Variants in SLFN12L observed in about 807,000 individuals in gnomAD.
SLFN12L encodes the protein schlafen family member 12-like.
In SLFN12L, 34 loss-of-function variants were observed where a neutral mutation model predicts 34.8. The ratio of observed to expected loss-of-function variants is 0.98; its 90% CI spans 0.74 to 1.30. The LOEUF is 1.30. Among genes scored for constraint, SLFN12L ranks in the 50% most tolerant of loss-of-function variants. SLFN12L has a pLI of 0.00. For missense variants in SLFN12L, 703 were observed against 696.2 expected, an observed-to-expected ratio of 1.01 and a Z score of -0.11; for synonymous variants, 259 against 247.5, an observed-to-expected ratio of 1.05 and a Z score of -0.44.
At chr17:35,493,898 T>A (rs1914937455) in intron 2 of SLFN12L, among the ~76,000 whole-genome samples, 1 of 152,242 alleles carries the variant, frequency 6.6e-6, no homozygotes, top group African/African-American at 2.4e-5. Context: ...TTGTTTTTGT[T>A]CTTAGTTGTG....
rs80045442 is a variant in SLFN12L at position 35,508,751 on chromosome 17, G to A, written c.86+13528C>T. Among the ~76,000 whole-genome samples the A allele has an allele frequency of 0.011, 1,659 of 151,802 alleles. 95 individuals are homozygous for A. In the East Asian group the frequency reaches 0.18, roughly 16 times the overall value. The stretch of plus-strand genomic sequence containing the variant: ...TGGAGACAGTTCTCTTTTCCTTGGA[G>A]ACAGTTTTTCTGATAAAACTGAGGA... On this transcript the variant is annotated intron_variant, in intron 2 of 4. Coordinates refer to ENST00000628453, the MANE Select transcript of SLFN12L (RefSeq NM_001363830.2).
intron 1 of SLFN12L, among the ~76,000 whole-genome samples, chr17:35,534,597 T>C (rs2142181765): frequency 6.6e-6 from 1 of 152,132 alleles, no homozygotes; most frequent in East Asian, 1.9e-4. Flanking sequence ...CCGGCAGAGT[T>C]GAGAGAGATT....
At chr17:35,508,091 A>G (rs1285036713) in intron 2 of SLFN12L, among the ~76,000 whole-genome samples, 1 of 152,230 alleles carries the variant, frequency 6.6e-6, no homozygotes, top group African/African-American at 2.4e-5. Flanking sequence ...CAGACATTGT[A>G]TGGAAAAGCA....
At chr17:35,505,395 C>T (rs1172101820) in intron 2 of SLFN12L, among the ~76,000 whole-genome samples, 2 of 152,130 alleles carry the variant, frequency 1.3e-5, no homozygotes, top group African/African-American at 4.8e-5. Flanking sequence ...TGCTTAAGAG[C>T]CTTGGCAGCA....
intron 1 of SLFN12L, among the ~76,000 whole-genome samples, chr17:35,537,134 C>A (rs1197019645): frequency 1.3e-5 from 2 of 151,404 alleles, no homozygotes; most frequent in African/African-American, 4.9e-5. Flanking sequence ...GAGTTGTGAT[C>A]GCACCACTGC....
chr17:35,514,326 A>G (rs1915746051), intron 2 of SLFN12L, among the ~76,000 whole-genome samples: 2 of 152,238 alleles, frequency 1.3e-5, no homozygotes, highest in Non-Finnish European at 2.9e-5. Flanking sequence ...TCACCTCAAA[A>G]TTTTAATCCT....
chr17:35,534,736 G>C (rs979017297), intron 1 of SLFN12L, among the ~76,000 whole-genome samples: 2 of 152,214 alleles, frequency 1.3e-5, no homozygotes, highest in African/African-American at 2.4e-5. Flanking sequence ...CTGTTTATGA[G>C]ATACTGCTTC....
At chr17:35,533,754 C>T in intron 1 of SLFN12L, among the ~76,000 whole-genome samples, 1 of 152,096 alleles carries the variant, frequency 6.6e-6, no homozygotes, top group East Asian at 1.9e-4. Context: ...GTCTGGTAAG[C>T]CACTTTAAGG....
rs1915806212 is a variant in SLFN12L at position 35,515,731 on chromosome 17, T to C, written c.86+6548A>G. ...CGATCTTGGCTCACTGCAACCTCCA[T>C]CTCCCAGGTTCAAGCGATTCTCCTG... On this transcript the variant is annotated intron_variant, in intron 2 of 4. Coordinates refer to ENST00000628453, the MANE Select transcript of SLFN12L (RefSeq NM_001363830.2). Among the ~76,000 whole-genome samples, 4 of 140,846 alleles carry C rather than the reference T, an allele frequency of 2.8e-5. No homozygotes were observed. In the South Asian group the frequency reaches 7.3e-4, roughly 26 times the overall value. The allele number at this position is 140,846 out of a possible 152,430, so 92.4% of individuals were successfully genotyped here.
chr17:35,471,206 G>A lies in SLFN12L; in HGVS notation c.*3717C>T, dbSNP rs1913801629. 6.6e-6 allele frequency among the ~76,000 whole-genome samples: 1 copy of A among 150,564 alleles called. No homozygotes were observed. ...GGCTGGAGTGCAATGGGGTGATCTT[G>A]GCTCACTGCAACCTCTGCCTCCCGG... On this transcript the variant is annotated 3_prime_UTR_variant, in exon 5 of 5. Transcript: ENST00000628453.
At chr17:35,502,782 T>C (rs939080292) in intron 2 of SLFN12L, among the ~76,000 whole-genome samples, 3 of 152,140 alleles carry the variant, frequency 2.0e-5, no homozygotes, top group Non-Finnish European at 4.4e-5. Context: ...GACAGTCTAG[T>C]CCACAGACAT....
At chr17:35,503,602 C>T (rs564598838) in intron 2 of SLFN12L, among the ~76,000 whole-genome samples, 2 of 152,268 alleles carry the variant, frequency 1.3e-5, no homozygotes, top group African/African-American at 4.8e-5. Flanking sequence ...AAGGAAATTT[C>T]GTAGTAGAAA....
At chr17:35,488,952 C>T (rs1027905217) in intron 2 of SLFN12L, among the ~76,000 whole-genome samples, 15 of 151,914 alleles carry the variant, frequency 9.9e-5, no homozygotes, top group African/African-American at 3.6e-4. Flanking sequence ...CGCCTGTAAT[C>T]CCAGCTACTC....
At chr17:35,495,814 G>A (rs975346507) in intron 2 of SLFN12L, among the ~76,000 whole-genome samples, 2 of 151,934 alleles carry the variant, frequency 1.3e-5, no homozygotes, top group African/African-American at 4.8e-5. Context: ...CAACTGGTCA[G>A]GGTGAGGACC....
In SLFN12L at chr17:35,474,814, C is replaced by T. The variant is rs1913896046; in HGVS notation, c.*109G>A. 4 of 1,128,542 alleles carry T rather than the reference C, an allele frequency of 3.5e-6. No individual in the cohort carries two copies. The African/African-American group carries it at 4.7e-5, about 13-fold the overall frequency. The allele number at this position is 1,128,542 out of a possible 1,614,324, so 69.9% of individuals were successfully genotyped here. On this transcript the variant is annotated 3_prime_UTR_variant, in exon 5 of 5. Coordinates refer to ENST00000628453, the MANE Select transcript of SLFN12L (RefSeq NM_001363830.2). Reference sequence around the variant, plus strand: ...AGGTGTGGTGGCAGGCACATGTAATCCCAGCTACTCGGGAGGCTGAGGCAG... The same window carrying T: ...AGGTGTGGTGGCAGGCACATGTAATTCCAGCTACTCGGGAGGCTGAGGCAG...
Position 35,515,217 on chromosome 17 carries a change from C to T in SLFN12L, c.86+7062G>A, listed in dbSNP as rs576617548. 56 of 554,206 alleles carry T rather than the reference C, an allele frequency of 1.0e-4. No individual in the cohort carries two copies. The East Asian group carries it at 1.9e-3, about 19-fold the overall frequency. The allele number at this position is 554,206 out of a possible 1,614,324, so 34.3% of individuals were successfully genotyped here. A position where few individuals can be genotyped will look rare whatever the true frequency, so the allele number is the denominator to read the frequency against. On this transcript the variant is annotated intron_variant, in intron 2 of 4. Coordinates refer to ENST00000628453, the MANE Select transcript of SLFN12L (RefSeq NM_001363830.2). ...TCCCCAGAACGCTGAGTGTGGACTG[C>T]GGCGGTGGGGGAAAGGAGCGGTTGC...
At position 35,530,430 on chromosome 17, in the gene SLFN12L, GGAAGGGAAGGGAAGAAAGAAA is replaced by G. The variant is rs1464862734; in HGVS notation, c.-606+7122_-606+7142del. On this transcript the variant is annotated intron_variant, in intron 1 of 4. Transcript: ENST00000628453. Reference sequence around the variant, plus strand: ...GGAAGGAAGGAAGGAAGGAAGGAAGGGAAGGGAAGGGAAGAAAGAAAGAAAGAAAGAAAGAAAGAAAGAAAG... The same window carrying G: ...GGAAGGAAGGAAGGAAGGAAGGAAGGGAAAGAAAGAAAGAAAGAAAGAAAG... Among the ~76,000 whole-genome samples, 14 of 9,134 alleles carry G rather than the reference GGAAGGGAAGGGAAGAAAGAAA, an allele frequency of 1.5e-3. 1 individual carries two copies. Among genetic ancestry groups the G allele is most frequent in the South Asian group, 8.1e-3 (2 of 246 alleles). 6.0% of individuals were successfully genotyped at this position (9,134 alleles called of 152,430 possible).
At chr17:35,511,972 G>T (rs1230194208) in intron 2 of SLFN12L, among the ~76,000 whole-genome samples, 5 of 152,094 alleles carry the variant, frequency 3.3e-5, no homozygotes, top group Non-Finnish European at 5.9e-5. Context: ...CATTCAAGCT[G>T]TTTATCATTC....
chr17:35,504,833 C>G (rs1202140199), intron 2 of SLFN12L, among the ~76,000 whole-genome samples: 1 of 152,226 alleles, frequency 6.6e-6, no homozygotes, highest in Non-Finnish European at 1.5e-5. Context: ...ATCAATCAGT[C>G]AGCCCTTGTT....
Sources: allele counts gnomAD v4.1 joint callset (sites outside exome capture counted in the v4.1 genomes callset), GRCh38; gene constraint gnomAD v4.1.1; transcripts MANE v1.5; gene names NCBI Gene and HGNC (gene_info 2026-07-23, HGNC 2026-07-21).